PHF3: variants seen among roughly 807,000 people sequenced by gnomAD.
The protein encoded by PHF3 is PHD finger protein 3.
PHF3 carries 41 observed loss-of-function variants against 178.4 expected under a neutral mutation model. That is an observed-to-expected ratio of 0.23 (90% CI 0.18 to 0.30). The LOEUF (loss-of-function observed/expected upper bound fraction) is 0.30. PHF3 is among the 10% of genes least tolerant of loss of function. PHF3 has a pLI of 1.00. For synonymous variants in PHF3, 842 were observed against 800.5 expected, an observed-to-expected ratio of 1.05 and a Z score of -0.88; for missense variants, 2,346 against 2,398.1, an observed-to-expected ratio of 0.98 and a Z score of 0.45.
intron 1 of PHF3, among the ~76,000 whole-genome samples, chr6:63,641,874 C>A (rs748446424): frequency 6.6e-6 from 1 of 152,012 alleles, no homozygotes; most frequent in Admixed American, 6.6e-5. Context: ...GTGATCTGCC[C>A]GCCTCGTCCT....
intron 8 of PHF3, among the ~76,000 whole-genome samples, chr6:63,699,922 G>A (rs1050864050): frequency 6.6e-6 from 1 of 152,096 alleles, no homozygotes; most frequent in Non-Finnish European, 1.5e-5. Context: ...CTTTCTTGCA[G>A]GTGGTTTTTT....
At chr6:63,649,675 A>G (rs1764941933) in intron 2 of PHF3, among the ~76,000 whole-genome samples, 1 of 152,222 alleles carries the variant, frequency 6.6e-6, no homozygotes. Flanking sequence ...TGGATACACA[A>G]AAGTTGGGAT....
Position 63,712,447 on chromosome 6 carries a change from T to G in PHF3, c.4859T>G (p.Val1620Gly). 1 of 1,613,974 alleles carries G rather than the reference T, an allele frequency of 6.2e-7. No individual in the cohort carries two copies. Among genetic ancestry groups the G allele is most frequent in the South Asian group, 1.1e-5 (1 of 91,078 alleles). Residue 1620 changes from valine to glycine, a missense_variant, in exon 16 of 16, where the codon GTA (valine) becomes GGA (glycine). By Grantham distance (109) the Val-to-Gly change is moderately radical. Transcript: ENST00000262043. ...AATAGTTCTCCATGCAGATCTAATG[T>G]AGGAAAAGGAAACATAGATGGTAAT... ...TSNSSPCRSN[V>G]GKGNIDGNVS...
At chr6:63,654,633 G>T (rs1307203963) in intron 2 of PHF3, among the ~76,000 whole-genome samples, 3 of 152,148 alleles carry the variant, frequency 2.0e-5, no homozygotes, top group Non-Finnish European at 4.4e-5. Context: ...AGCTGCCATA[G>T]ATATTTGGAA....
rs772780424 is a variant in PHF3, at chr6:63,719,434, A to G, written c.*5726A>G. On this transcript the variant is annotated 3_prime_UTR_variant, in exon 16 of 16. Coordinates refer to ENST00000262043, the MANE Select transcript of PHF3 (RefSeq NM_001370348.2). ...TTTTTTTCTCCAGATGACCTATTCT[A>G]CCTGTTAGTTCACCAAGTCAGTCAT... Among the ~76,000 whole-genome samples the G allele has an allele frequency of 1.3e-5, 2 of 152,002 alleles. No homozygotes were observed. Among genetic ancestry groups the G allele is most frequent in the African/African-American group, 2.4e-5 (1 of 41,434 alleles).
Position 63,694,674 on chromosome 6 carries a change from T to G in PHF3, c.2590T>G (p.Leu864Val), listed in dbSNP as rs1315279269. 6.9e-6 allele frequency: 11 copies of G among 1,602,754 alleles called. No individual in the cohort carries two copies. Among genetic ancestry groups the G allele is most frequent in the Non-Finnish European group, 7.7e-6 (9 of 1,173,992 alleles). ...TCTTCGTAAGATGGGACAACCAGTTTTACCTCGGAGATCCTCAGAAGAAAA... is the reference window on the plus strand; with the variant it reads ...TCTTCGTAAGATGGGACAACCAGTTGTACCTCGGAGATCCTCAGAAGAAAA... ...APLRKMGQPV[L>V]PRRSSEEKSE... The change falls in exon 6 of 16, where the codon TTA becomes GTA. Residue 864 changes from leucine (L) to valine (V), a missense_variant. Coordinates refer to ENST00000262043, the MANE Select transcript of PHF3 (RefSeq NM_001370348.2).
At position 63,706,787 on chromosome 6, in the gene PHF3, A is replaced by G. The variant is rs776968876; in HGVS notation, c.3622A>G (p.Ile1208Val). Reference sequence around the variant, plus strand: ...TACCTTTCTGGCTCGATTGAACTTCATCTGGAAAGGTTTTATCAACATGCC... The same window carrying G: ...TACCTTTCTGGCTCGATTGAACTTCGTCTGGAAAGGTTTTATCAACATGCC... ...ESTFLARLNF[I>V]WKGFINMPSV... Residue 1208 changes from isoleucine to valine, a missense_variant, in exon 13 of 16, where the codon ATC becomes GTC. By Grantham distance (29) the Ile-to-Val change is conservative. This residue lies in a region of PHF3 where 205 missense variants were observed against 212.4 expected (regional missense o/e 0.97). Transcript: ENST00000262043. 3 of 1,614,054 alleles carry G rather than the reference A, an allele frequency of 1.9e-6. No individual in the cohort carries two copies. Among genetic ancestry groups the G allele is most frequent in the Admixed American group, 3.3e-5 (2 of 60,024 alleles).
At position 63,685,092 on chromosome 6, in the gene PHF3, C is replaced by CATT. The variant is rs762845653; in HGVS notation, c.1370_1371insATT (p.Thr457_Lys458insPhe). On this transcript the variant is annotated inframe_insertion, in exon 4 of 16. Coordinates refer to ENST00000262043, the MANE Select transcript of PHF3 (RefSeq NM_001370348.2). ...AAACAGTTGAATGCTATAGAAAGTA[C>CATT]TAAAATAGAGTCCCATGAAACAGCA... 2.5e-6 allele frequency: 4 copies of CATT among 1,613,910 alleles called. No homozygotes were observed. Among genetic ancestry groups the CATT allele is most frequent in the Non-Finnish European group, 3.4e-6 (4 of 1,179,956 alleles).
chr6:63,679,621 A>G (rs1766338543), intron 2 of PHF3: 1 of 321,196 alleles, frequency 3.1e-6, no homozygotes, highest in Non-Finnish European at 6.1e-6. Flanking sequence ...ATGAACCTAG[A>G]ATCTTTCAGG....
At chr6:63,640,106 G>A (rs1428651115) in intron 1 of PHF3, among the ~76,000 whole-genome samples, 1 of 152,098 alleles carries the variant, frequency 6.6e-6, no homozygotes, top group East Asian at 1.9e-4. Flanking sequence ...TATGATCCTT[G>A]CTTTCTATAA....
chr6:63,661,003 C>T (rs1040196712), intron 2 of PHF3, among the ~76,000 whole-genome samples: 4 of 152,072 alleles, frequency 2.6e-5, no homozygotes, highest in African/African-American at 4.8e-5. Context: ...TGACAGAGTT[C>T]TTTGTCTTTT....
chr6:63,677,547 G>A (rs761698919), intron 2 of PHF3, among the ~76,000 whole-genome samples: 2 of 152,142 alleles, frequency 1.3e-5, no homozygotes, highest in Non-Finnish European at 2.9e-5. Context: ...TGTTGATTCT[G>A]CTTTGTAATA....
intron 4 of PHF3, among the ~76,000 whole-genome samples, chr6:63,690,713 G>A (rs1201989092): frequency 3.3e-5 from 5 of 152,058 alleles, no homozygotes; most frequent in Non-Finnish European, 7.4e-5. Flanking sequence ...TTGCTAGCCT[G>A]AAGATGAAAA....
chr6:63,697,069 A>G (rs1346665455), intron 6 of PHF3, among the ~76,000 whole-genome samples: 1 of 152,140 alleles, frequency 6.6e-6, no homozygotes, highest in African/African-American at 2.4e-5. Flanking sequence ...AGACGGCTAG[A>G]GAGAGATGAT....
In PHF3 at chr6:63,702,545, A is replaced by G; in HGVS notation, c.3137A>G (p.Glu1046Gly). The change falls in exon 10 of 16, where the codon GAA (glutamate) becomes GGA (glycine). Residue 1046 changes from glutamate (E) to glycine (G), a missense_variant. By Grantham distance (98) the Glu-to-Gly change is moderately conservative. Around this residue, in one of 8 missense-constraint regions of PHF3, gnomAD observed 45 missense variants for 87.9 expected, o/e 0.51. Coordinates refer to ENST00000262043, the MANE Select transcript of PHF3 (RefSeq NM_001370348.2). ...EMIEKEQREV[E>G]RRPITKITHK... is the part of the protein sequence containing the mutation. ...ATTGAGAAAGAGCAGAGAGAAGTGGAACGACGGCCAATCACCAAAATAACT... is the reference window on the plus strand; with the variant it reads ...ATTGAGAAAGAGCAGAGAGAAGTGGGACGACGGCCAATCACCAAAATAACT... 1.2e-6 allele frequency: 2 copies of G among 1,612,464 alleles called. No individual in the cohort carries two copies. Among genetic ancestry groups the G allele is most frequent in the Non-Finnish European group, 1.7e-6 (2 of 1,178,810 alleles).
intron 2 of PHF3, among the ~76,000 whole-genome samples, chr6:63,666,571 G>T (rs540828670): frequency 6.6e-6 from 1 of 151,742 alleles, no homozygotes; most frequent in Admixed American, 6.6e-5. Flanking sequence ...CAAGTCTCTG[G>T]TATAAAATGG....
chr6:63,666,089 T>A (rs1765670232), intron 2 of PHF3, among the ~76,000 whole-genome samples: 1 of 152,172 alleles, frequency 6.6e-6, no homozygotes, highest in Admixed American at 6.5e-5. Flanking sequence ...ACCGCTTTAG[T>A]TATACACACC....
chr6:63,650,844 A>G (rs1764989805), intron 2 of PHF3, among the ~76,000 whole-genome samples: 1 of 152,142 alleles, frequency 6.6e-6, no homozygotes, highest in Non-Finnish European at 1.5e-5. Flanking sequence ...CAGTACATTG[A>G]ACTAAACGTA....
chr6:63,712,009 T>G lies in PHF3; in HGVS notation c.4421T>G (p.Leu1474Trp). Reference sequence around the variant, plus strand: ...GTGGATGATATACTTCAAAGCCTTTTGGGCACCACTGGTCAAGTATATGAC... The same window carrying G: ...GTGGATGATATACTTCAAAGCCTTTGGGGCACCACTGGTCAAGTATATGAC... ...LPVDDILQSL[L>W]GTTGQVYDQA... The change falls in exon 16 of 16, where the codon TTG becomes TGG. Residue 1474 changes from leucine (L) to tryptophan (W), a missense_variant. Leu to Trp is a moderately conservative substitution (Grantham distance 61). Transcript: ENST00000262043. 2 of 1,613,722 alleles carry G rather than the reference T, an allele frequency of 1.2e-6. No individual in the cohort carries two copies. The highest frequency in any genetic ancestry group is 1.7e-6 in the Non-Finnish European group (2 of 1,179,928).
Sources: gnomAD v4.1 joint callset for allele counts (sites outside exome capture counted in the v4.1 genomes callset) on GRCh38, gnomAD v4.1.1 for gene constraint, gnomAD v4.1.1 regional missense constraint, MANE v1.5 for transcripts, NCBI Gene and HGNC (gene_info 2026-07-23, HGNC 2026-07-21) for gene names.